Variants in PLXNB3 observed in about 807,000 individuals in gnomAD.
PLXNB3 encodes the protein plexin-B3.
Under a neutral mutation model 125.7 loss-of-function variants are expected in PLXNB3, and 80 were observed. The ratio of observed to expected loss-of-function variants is 0.64; its 90% CI spans 0.53 to 0.77. The LOEUF is 0.77. Among genes scored for constraint, PLXNB3 ranks in the 30% least tolerant of loss-of-function variants. The pLI is 0.00. For missense variants in PLXNB3, 1,836 were observed against 1,729.3 expected (o/e 1.06, Z -1.09); for synonymous variants, 954 against 783.3 (o/e 1.22, Z -3.64).
At position 153,774,128 on chromosome X, in the gene PLXNB3, A is replaced by C. The variant is rs1287041977; in HGVS notation, c.3519+30A>C. 2.5e-6 allele frequency: 3 copies of C among 1,197,676 alleles called. No homozygotes were observed. In the African/African-American group the frequency reaches 5.2e-5, roughly 21 times the overall value. ...GGGCCACCTTCAACCCTGCCCCGCCACGGTGCTCAGGCCGCCTCTGTGGGG... is the reference window on the plus strand; with the variant it reads ...GGGCCACCTTCAACCCTGCCCCGCCCCGGTGCTCAGGCCGCCTCTGTGGGG... On this transcript the variant is annotated intron_variant, in intron 20 of 35. Coordinates refer to ENST00000361971, the MANE Select transcript of PLXNB3 (RefSeq NM_005393.3).
chrX:153,771,236 G>A (rs1046131897), intron 12 of PLXNB3, 74 bp from the exon 13 acceptor site: 7 of 953,096 alleles, frequency 7.3e-6, no homozygotes, highest in Non-Finnish European at 6.0e-6. Flanking sequence ...TCATTCTGGG[G>A]GGTGGCCCAG....
rs1557064978 is a variant in PLXNB3, at chrX:153,777,697, C to T, written c.5261+9C>T. 6 of 1,206,728 alleles carry T rather than the reference C, an allele frequency of 5.0e-6. No homozygotes were observed. The highest frequency in any genetic ancestry group is 6.7e-6 in the Non-Finnish European group (6 of 892,395). On this transcript the variant is annotated intron_variant, in intron 31 of 35. Coordinates refer to ENST00000361971, the MANE Select transcript of PLXNB3 (RefSeq NM_005393.3). ...ATCTGGAAGACCAACAGGTGCCTTT[C>T]CTGCTGCCCCACCCCTGCTGTGCAT...
Position 153,773,265 on chromosome X carries a change from G to A in PLXNB3, c.2942G>A (p.Arg981His), listed in dbSNP as rs782400714. The A allele has an allele frequency of 1.5e-4, 176 of 1,208,671 alleles. No homozygotes were observed. The East Asian group carries it at 2.9e-3, about 20-fold the overall frequency. ...GTGTGTCCGGAGGCCATCGTGTGCC[G>A]TACCAGGCCCCAGGCTGCCCCAGGA... ...EPVCPEAIVC[R>H]TRPQAAPGEA... The change falls in exon 18 of 36, where the codon CGT becomes CAT. Residue 981 changes from arginine to histidine, a missense_variant. Transcript: ENST00000361971.
Position 153,767,095 on chromosome X carries a change from GGCCCT to G in PLXNB3, c.270_274del (p.Pro91AsnfsTer5). 1 of 1,210,340 alleles carries G rather than the reference GGCCCT, an allele frequency of 8.3e-7. No individual in the cohort carries two copies. Among genetic ancestry groups the G allele is most frequent in the Non-Finnish European group, 1.1e-6 (1 of 894,993 alleles). The stretch of plus-strand genomic sequence containing the variant: ...GCAGCTCGAGGCCGTGGCTGTCACT[GGCCCT>G]GTAATCGACAGCCCTGACTGCGTGC... On this transcript the variant is annotated frameshift_variant, in exon 3 of 36. Transcript: ENST00000361971. LOFTEE classifies it high-confidence loss of function.
rs868939578 is a variant in PLXNB3, at chrX:153,775,981, G to A, written c.4496G>A (p.Arg1499Gln). 1 of 1,211,008 alleles carries A rather than the reference G, an allele frequency of 8.3e-7. No homozygotes were observed. Among genetic ancestry groups the A allele is most frequent in the African/African-American group, 1.7e-5 (1 of 58,004 alleles). The change falls in exon 27 of 36, where the codon CGG becomes CAG. Residue 1499 changes from arginine (R) to glutamine (Q), a missense_variant. Coordinates refer to ENST00000361971, the MANE Select transcript of PLXNB3 (RefSeq NM_005393.3). ...GACGCCGTGACAGGCAAGGCCAAACGGACCCTGAATGATAGCCGCTTGCTG... is the reference window on the plus strand; with the variant it reads ...GACGCCGTGACAGGCAAGGCCAAACAGACCCTGAATGATAGCCGCTTGCTG... ...PVDAVTGKAK[R>Q]TLNDSRLLRE...
At position 153,770,774 on chromosome X, in the gene PLXNB3, G is replaced by A. The variant is rs139203705; in HGVS notation, c.2027G>A (p.Arg676His). 2.1e-5 allele frequency: 25 copies of A among 1,205,010 alleles called. No individual in the cohort carries two copies. Among genetic ancestry groups the A allele is most frequent in the Middle Eastern group, 2.3e-4 (1 of 4,319 alleles). ...TTTTCCCAGGTGGACATCCAGGTGCGTGGCCCAGGGGCTTGCCCACAGGTC... is the reference window on the plus strand; with the variant it reads ...TTTTCCCAGGTGGACATCCAGGTGCATGGCCCAGGGGCTTGCCCACAGGTC... ...YSAQEVDIQV[R>H]GPGACPQVEG... The change falls in exon 11 of 36, where the codon CGT (arginine) becomes CAT (histidine). Residue 676 changes from arginine (R) to histidine (H), a missense_variant. By Grantham distance (29) the Arg-to-His change is conservative. Coordinates refer to ENST00000361971, the MANE Select transcript of PLXNB3 (RefSeq NM_005393.3).
chrX:153,765,639 G>A (rs1402800672), intron 2 of PLXNB3, 59 bp downstream of exon 2: 3 of 1,167,422 alleles, frequency 2.6e-6, no homozygotes, highest in East Asian at 3.2e-5. Context: ...GGTAGGGCAG[G>A]ATGGCTGTGG....
At chrX:153,765,966 C>A in intron 2 of PLXNB3, 2 of 753,945 alleles carry the variant, frequency 2.7e-6, no homozygotes, top group Non-Finnish European at 3.1e-6. Flanking sequence ...AGTCTGGCAC[C>A]CCTCCCTGCC....
rs782025100 is a variant in PLXNB3, at chrX:153,767,530, G to A, written c.703G>A (p.Val235Ile). ...CTTCTCCGACTACAACAACAGCTAC[G>A]TCGGGGCCTTTGCCGACGCCCGCTC... is the stretch of plus-strand genomic sequence containing the variant. Reference protein sequence around the residue: ...GDFSDYNNSYVGAFADARSAY... With the variant: ...GDFSDYNNSYIGAFADARSAY... Residue 235 changes from valine (V) to isoleucine (I), a missense_variant, in exon 3 of 36, where the codon GTC becomes ATC. By Grantham distance (29) the Val-to-Ile change is conservative. Transcript: ENST00000361971. The A allele has an allele frequency of 9.6e-5, 113 of 1,176,461 alleles. No homozygotes were observed. The highest frequency in any genetic ancestry group is 1.4e-4 in the Admixed American group (6 of 41,855).
chrX:153,779,016 G>A lies in PLXNB3; in HGVS notation c.5707G>A (p.Glu1903Lys), dbSNP rs782313067. The A allele has an allele frequency of 2.5e-5, 30 of 1,190,573 alleles. No individual in the cohort carries two copies. Among genetic ancestry groups the A allele is most frequent in the Non-Finnish European group, 3.3e-5 (29 of 884,920 alleles). ...CRLQQVAALV[E>K]NKVTDL ...CCTGCAGCAGGTCGCCGCCCTGGTG[G>A]AAAACAAAGTGACTGACCTGTGAGC... The change falls in exon 36 of 36, where the codon GAA becomes AAA. Residue 1903 changes from glutamate to lysine, a missense_variant. Glu to Lys is a moderately conservative substitution (Grantham distance 56). Transcript: ENST00000361971.
chrX:153,766,041 T>C, intron 2 of PLXNB3: 1 of 1,030,514 alleles, frequency 9.7e-7, no homozygotes, highest in Non-Finnish European at 1.2e-6. Flanking sequence ...ACTCCTACAC[T>C]GAGGCCCCCT....
chrX:153,778,171 T>C, intron 32 of PLXNB3, 76 bp downstream of exon 32: 4 of 1,198,671 alleles, frequency 3.3e-6, no homozygotes, highest in Non-Finnish European at 4.5e-6. Context: ...TAGAGGGCTG[T>C]GCACAGAGCT....
chrX:153,770,154 C>A lies in PLXNB3; in HGVS notation c.1692C>A (p.Phe564Leu). 2 of 1,211,174 alleles carry A rather than the reference C, an allele frequency of 1.7e-6. No individual in the cohort carries two copies. The highest frequency in any genetic ancestry group is 2.2e-6 in the Non-Finnish European group (2 of 895,308). ...LDADEYFHCA[F>L]GDYDSLAHVE... ...CAGATGAATACTTCCATTGTGCGTT[C>A]GGGGACTATGACAGCTTGGCTCATG... The change falls in exon 8 of 36, where the codon TTC becomes TTA. Residue 564 changes from phenylalanine to leucine, a missense_variant. Physicochemically the swap from Phe to Leu is conservative, Grantham distance 22. Transcript: ENST00000361971.
At position 153,770,384 on chromosome X, in the gene PLXNB3, G is replaced by A. The variant is rs782582946; in HGVS notation, c.1833G>A (p.Val611=). The A allele has an allele frequency of 4.0e-5, 48 of 1,209,910 alleles. No homozygotes were observed. In the East Asian group the frequency reaches 1.4e-3, roughly 36 times the overall value. The change falls in exon 9 of 36, where the codon GTG becomes GTA. Residue 611 remains valine (V), a synonymous_variant. Coordinates refer to ENST00000361971, the MANE Select transcript of PLXNB3 (RefSeq NM_005393.3). ...CCCTGATGTTCGAGGACGTGACTGT[G>A]GCTGCCACCAACTTCTCCTTTTATG... ...PLALMFEDVT[V]AATNFSFYDC...
In PLXNB3 at chrX:153,767,880, C is replaced by A; in HGVS notation, c.1053C>A (p.Tyr351Ter). 9.0e-7 allele frequency: 1 copy of A among 1,110,454 alleles called. No individual in the cohort carries two copies. The highest frequency in any genetic ancestry group is 1.2e-6 in the Non-Finnish European group (1 of 848,179). The allele number at this position is 1,110,454 out of a possible 1,213,427, so 91.5% of individuals were successfully genotyped here. ...GCGCAGAGGAAGCCACCGTGGAGTA[C>A]GGCGTCACGTCGCGCTGCGTCACCC... ...PSGAEEATVE[Y>*]GVTSRCVTLP... The change falls in exon 3 of 36, where the codon TAC becomes TAA. Residue 351 changes from tyrosine to a stop codon, truncating the protein, a stop_gained. Coordinates refer to ENST00000361971, the MANE Select transcript of PLXNB3 (RefSeq NM_005393.3). LOFTEE classifies it high-confidence loss of function.
rs201440646 is a variant in PLXNB3, at chrX:153,773,379, C to T, written c.3056C>T (p.Ala1019Val). ...TACACCGCCAACCCCCAGCTTGTAG[C>T]GGCGGAGCCCAGTGCCAGCTTCCGG... ...FRYTANPQLV[A>V]AEPSASFRGG... Residue 1019 changes from alanine (A) to valine (V), a missense_variant, in exon 18 of 36, where the codon GCG becomes GTG. By Grantham distance (64) the Ala-to-Val change is moderately conservative (BLOSUM62 0). Transcript: ENST00000361971. The T allele has an allele frequency of 5.0e-6, 6 of 1,203,636 alleles. 1 individual carries two copies. The highest frequency in any genetic ancestry group is 6.0e-5 in the East Asian group (2 of 33,488).
rs1557062929 is a variant in PLXNB3, at chrX:153,773,891, C to A, written c.3312C>A (p.Ser1104Arg). Residue 1104 changes from serine to arginine, a missense_variant, in exon 20 of 36, where the codon AGC becomes AGA. Ser to Arg is a moderately radical substitution (Grantham distance 110). Transcript: ENST00000361971. ...CCGTCTGCTCCGTCAACTCGTCCAG[C>A]CTCCTCCTGTGCCGGAGCCCTGCTG... is the stretch of plus-strand genomic sequence containing the variant. ...CSTVCSVNSS[S>R]LLLCRSPAVP... The A allele has an allele frequency of 8.3e-7, 1 of 1,211,323 alleles. No homozygotes were observed. The highest frequency in any genetic ancestry group is 2.2e-5 in the Admixed American group (1 of 46,155).
At position 153,774,240 on chromosome X, in the gene PLXNB3, C is replaced by T. The variant is rs201116168; in HGVS notation, c.3574C>T (p.Arg1192Cys). The change falls in exon 21 of 36, where the codon CGC becomes TGC. Residue 1192 changes from arginine to cysteine, a missense_variant. Physicochemically the swap from Arg to Cys is radical, Grantham distance 180. Transcript: ENST00000361971. ...GGAGGAGGTGCGCGTGCACATCGGC[C>T]GCGGCGAGTGCCTGGTGAAGACGCT... ...SKEEVRVHIG[R>C]GECLVKTLTR... 197 of 1,196,060 alleles carry T rather than the reference C, an allele frequency of 1.6e-4. No individual in the cohort carries two copies. The highest frequency in any genetic ancestry group is 9.2e-4 in the Middle Eastern group (4 of 4,354).
chrX:153,765,533 C>T lies in PLXNB3; in HGVS notation c.-3C>T, dbSNP rs782550261. 2.3e-5 allele frequency: 27 copies of T among 1,192,472 alleles called. No individual in the cohort carries two copies. The highest frequency in any genetic ancestry group is 3.7e-5 in the South Asian group (2 of 54,257). On this transcript the variant is annotated 5_prime_UTR_variant, in exon 2 of 36. Coordinates refer to ENST00000361971, the MANE Select transcript of PLXNB3 (RefSeq NM_005393.3). ...ACTGCCCTGGGGCAGCTGAACTGAG[C>T]GTATGTGCCACGCCGCCCAGGAGAC...
Sources: gnomAD v4.1 joint callset for allele counts on GRCh38, gnomAD v4.1.1 for gene constraint, MANE v1.5 for transcripts, NCBI Gene and HGNC (gene_info 2026-07-23, HGNC 2026-07-21) for gene names.